CPQ: variants seen among roughly 807,000 people sequenced by gnomAD.
CPQ encodes Ser-Met dipeptidase.
CPQ carries 37 observed loss-of-function variants against 45.7 expected under a neutral mutation model. That is an observed-to-expected ratio of 0.81 (90% CI 0.62 to 1.07). The LOEUF is 1.07. CPQ is among the 50% of genes least tolerant of loss of function. CPQ has a pLI of 0.00. For missense variants in CPQ, 537 were observed against 572.9 expected, an observed-to-expected ratio of 0.94 and a Z score of 0.64; for synonymous variants, 186 against 205.8, an observed-to-expected ratio of 0.90 and a Z score of 0.82.
chr8:96,658,781 A>G (rs1815665496), intron 1 of CPQ, among the ~76,000 whole-genome samples: 1 of 151,720 alleles, frequency 6.6e-6, no homozygotes, highest in Non-Finnish European at 1.5e-5. Context: ...GCCATGAGCC[A>G]AGGAATGTGG....
chr8:96,665,423 T>C (rs867333780), intron 1 of CPQ, among the ~76,000 whole-genome samples: 1 of 152,162 alleles, frequency 6.6e-6, no homozygotes, highest in Middle Eastern at 3.2e-3. Context: ...TAATGACTGA[T>C]TGAATACGTG....
At chr8:96,742,220 C>T (rs1810102772) in intron 1 of CPQ, among the ~76,000 whole-genome samples, 1 of 151,988 alleles carries the variant, frequency 6.6e-6, no homozygotes. Context: ...ATCCCTTTAC[C>T]ATTAAGTAAT....
At chr8:96,731,744 C>G (rs1809915872) in intron 1 of CPQ, among the ~76,000 whole-genome samples, 1 of 152,050 alleles carries the variant, frequency 6.6e-6, no homozygotes, top group South Asian at 2.1e-4. Flanking sequence ...AAGGAGTTCT[C>G]TATGGACCAG....
chr8:96,801,914 C>T (rs1285562818), intron 2 of CPQ, among the ~76,000 whole-genome samples: 1 of 151,996 alleles, frequency 6.6e-6, no homozygotes, highest in Non-Finnish European at 1.5e-5. Flanking sequence ...AAATCGTGGT[C>T]AATAATTAAT....
At chr8:96,976,667 A>G (rs116075388) in intron 5 of CPQ, among the ~76,000 whole-genome samples, 2,501 of 152,282 alleles carry the variant, frequency 0.016, 64 homozygotes, top group African/African-American at 0.057. Flanking sequence ...GACCAATGGA[A>G]GAGAAGAAAG....
At chr8:97,140,297 T>C (rs1897338) in intron 7 of CPQ, among the ~76,000 whole-genome samples, 11,601 of 152,034 alleles carry the variant, frequency 0.076, 616 homozygotes, top group Admixed American at 0.13. Flanking sequence ...TTTGATGGCT[T>C]TGTTAAAAGT....
chr8:97,031,905 T>C (rs927724065), intron 6 of CPQ, among the ~76,000 whole-genome samples: 6 of 152,366 alleles, frequency 3.9e-5, no homozygotes, highest in Non-Finnish European at 5.9e-5. Flanking sequence ...CTTTACATGA[T>C]ACAGCCAATT....
intron 2 of CPQ, among the ~76,000 whole-genome samples, chr8:96,814,274 A>G (rs1232889304): frequency 6.6e-6 from 1 of 152,104 alleles, no homozygotes; most frequent in Non-Finnish European, 1.5e-5. Context: ...GGAACTCTTT[A>G]TCACTTAGAT....
chr8:96,928,333 A>T (rs994931155), intron 4 of CPQ, among the ~76,000 whole-genome samples: 1 of 151,242 alleles, frequency 6.6e-6, no homozygotes, highest in Non-Finnish European at 1.5e-5. Flanking sequence ...CAGGAAATTC[A>T]TTATTAAGGG....
intron 7 of CPQ, among the ~76,000 whole-genome samples, chr8:97,084,646 TCTCC>T (rs1811010342): frequency 1.3e-5 from 2 of 152,222 alleles, no homozygotes; most frequent in Admixed American, 6.5e-5. Context: ...ATGGCATGTG[TCTCC>T]CTATGCCTTG....
intron 1 of CPQ, among the ~76,000 whole-genome samples, chr8:96,670,344 A>G (rs923813212): frequency 2.9e-5 from 4 of 136,654 alleles, no homozygotes; most frequent in African/African-American, 1.1e-4. Flanking sequence ...TTTTGGCTGT[A>G]CTGCACTTGT....
At chr8:97,122,214 C>T (rs569560954) in intron 7 of CPQ, among the ~76,000 whole-genome samples, 23 of 151,838 alleles carry the variant, frequency 1.5e-4, no homozygotes, top group African/African-American at 5.1e-4. Context: ...GCATGATAAG[C>T]GACAAGAAAA....
At chr8:96,972,208 G>C (rs1055913692) in intron 5 of CPQ, among the ~76,000 whole-genome samples, 3 of 152,150 alleles carry the variant, frequency 2.0e-5, no homozygotes, top group African/African-American at 4.8e-5. Flanking sequence ...GGCTGCATGG[G>C]AGCAGGGTAA....
intron 3 of CPQ, among the ~76,000 whole-genome samples, chr8:96,850,287 G>A (rs2130859506): frequency 6.6e-6 from 1 of 152,258 alleles, no homozygotes; most frequent in South Asian, 2.1e-4. Context: ...CAGGGGAAGG[G>A]CCTATATGTG....
intron 3 of CPQ, among the ~76,000 whole-genome samples, chr8:96,875,413 A>C (rs1812132182): frequency 6.6e-6 from 1 of 151,850 alleles, no homozygotes; most frequent in African/African-American, 2.4e-5. Flanking sequence ...AAAGTCATGA[A>C]GTTTTGTAGT....
At chr8:96,926,431 C>G (rs1043946818) in intron 4 of CPQ, among the ~76,000 whole-genome samples, 1 of 152,078 alleles carries the variant, frequency 6.6e-6, no homozygotes, top group Non-Finnish European at 1.5e-5. Context: ...ATTCAATAAA[C>G]GTTTATGGAA....
intron 4 of CPQ, among the ~76,000 whole-genome samples, chr8:96,941,901 T>C (rs1019837367): frequency 2.0e-5 from 3 of 152,166 alleles, no homozygotes; most frequent in Admixed American, 2.0e-4. Context: ...TTTTTAAATA[T>C]AGCAATGCAA....
At chr8:96,747,484 TG>T (rs1421025022) in intron 1 of CPQ, among the ~76,000 whole-genome samples, 1 of 152,148 alleles carries the variant, frequency 6.6e-6, no homozygotes, top group Non-Finnish European at 1.5e-5. Context: ...GAAAAATTTT[TG>T]CTTTCAAAAT....
intron 2 of CPQ, among the ~76,000 whole-genome samples, chr8:96,785,661 GA>G (rs1563496750): frequency 6.6e-6 from 1 of 152,074 alleles, no homozygotes; most frequent in African/African-American, 2.4e-5. Flanking sequence ...ATACAAAAAC[GA>G]TGACTTCTTC....
Sources: gnomAD v4.1 joint callset for allele counts (sites outside exome capture counted in the v4.1 genomes callset) on GRCh38, gnomAD v4.1.1 for gene constraint, MANE v1.5 for transcripts, NCBI Gene and HGNC (gene_info 2026-07-23, HGNC 2026-07-21) for gene names.